The following EDA2R variants were observed in gnomAD, a reference collection of about 807,000 sequenced individuals.
EDA2R encodes the protein ectodysplasin A2 receptor, also known as tumor necrosis factor receptor superfamily member 27.
Under a neutral mutation model 20.1 loss-of-function variants are expected in EDA2R, and 26 were observed. That is an observed-to-expected ratio of 1.30 (90% CI 0.95 to 1.80). The LOEUF (loss-of-function observed/expected upper bound fraction) is 1.80. Ranked by LOEUF, EDA2R falls within the 40% of genes most tolerant of loss-of-function variation. The pLI is 0.00. For synonymous variants in EDA2R, 114 were observed against 88.7 expected (o/e 1.29, Z -1.60); for missense variants, 277 against 228.7 (o/e 1.21, Z -1.36).
chrX:66,602,938 T>C, intron 4 of EDA2R, 141 bp from the exon 5 acceptor site: 3 of 527,923 alleles, frequency 5.7e-6, no homozygotes, highest in South Asian at 9.2e-5. Context: ...TTTTACTTCT[T>C]TCTAGAGCAG....
At chrX:66,623,659 C>T (rs1192034689) in intron 1 of EDA2R, among the ~76,000 whole-genome samples, 1 of 111,632 alleles carries the variant, frequency 9.0e-6, no homozygotes, top group Non-Finnish European at 1.9e-5. Context: ...ATTGTCTTCA[C>T]TCCACCCATG....
chrX:66,614,245 G>A (rs1408929832), intron 2 of EDA2R, among the ~76,000 whole-genome samples: 2 of 111,807 alleles, frequency 1.8e-5, no homozygotes, highest in Admixed American at 9.5e-5. Context: ...AGGCCACAAT[G>A]AGAACAAAAC....
chrX:66,630,961 A>G (rs62601441), intron 1 of EDA2R, among the ~76,000 whole-genome samples: 2,852 of 109,963 alleles, frequency 0.026, 31 homozygotes, highest in Non-Finnish European at 0.035. Context: ...GTGTGTATAC[A>G]TACATATATA....
chrX:66,605,170 C>T lies in EDA2R; in HGVS notation c.144G>A (p.Arg48=). Residue 48 remains arginine, a synonymous_variant, in exon 3 of 7, where the codon AGG becomes AGA. Coordinates refer to ENST00000374719, the MANE Select transcript of EDA2R (RefSeq NM_021783.5). ...TGTGGTGGCCCCAGCTGCTTTTGTACCTGCGAGGAGGGCAGGCTGTGCAGT... is the reference window on the plus strand; with the variant it reads ...TGTGGTGGCCCCAGCTGCTTTTGTATCTGCGAGGAGGGCAGGCTGTGCAGT... ...DAYCTACPPR[R]YKSSWGHHRC... 8.3e-7 allele frequency: 1 copy of T among 1,210,000 alleles called. No individual in the cohort carries two copies.
chrX:66,599,113 T>C (rs1341410404), intron 6 of EDA2R, among the ~76,000 whole-genome samples: 2 of 112,187 alleles, frequency 1.8e-5, no homozygotes, highest in Non-Finnish European at 3.8e-5. Flanking sequence ...GGTTTCCAGA[T>C]GACAAGGCTT....
intron 1 of EDA2R, among the ~76,000 whole-genome samples, chrX:66,636,939 AACACACACACAC>A (rs35284589): frequency 5.2e-4 from 52 of 99,837 alleles, no homozygotes; most frequent in Admixed American, 9.2e-4. Context: ...CTGTGTGTAA[AACACACACACAC>A]ACACACACAC....
At chrX:66,600,181 G>A in intron 5 of EDA2R, 1 of 689,470 alleles carries the variant, frequency 1.5e-6, no homozygotes. Flanking sequence ...TTATGTCTAT[G>A]TACATTAAGT....
Position 66,617,306 on chromosome X carries a change from A to T in EDA2R, c.-10-1276T>A, listed in dbSNP as rs375862342. Among the ~76,000 whole-genome samples the T allele has an allele frequency of 2.7e-5, 3 of 111,639 alleles. No individual in the cohort carries two copies. In the Admixed American group the frequency reaches 2.8e-4, roughly 11 times the overall value. ...CTGGGCCATTCTTTCCCATTCCTTC[A>T]TTCAAAGGAAAGTGGGCTACAAGAT... is the stretch of plus-strand genomic sequence containing the variant. On this transcript the variant is annotated intron_variant, in intron 1 of 6. Transcript: ENST00000374719.
rs1929252933 is a variant in EDA2R, at chrX:66,604,410, TG to T, written c.352+10del. ...ATGAGGAGAAAGGGAAGAAGAGAAC[TG>T]GGTACACACATTGAACCTCAGAGGT... On this transcript the variant is annotated intron_variant, in intron 4 of 6. Transcript: ENST00000374719. The T allele has an allele frequency of 8.3e-7, 1 of 1,199,223 alleles. No homozygotes were observed. The highest frequency in any genetic ancestry group is 1.7e-5 in the African/African-American group (1 of 57,601).
At chrX:66,604,343 A>G in intron 4 of EDA2R, 78 bp downstream of exon 4, 1 of 876,128 alleles carries the variant, frequency 1.1e-6, no homozygotes, top group South Asian at 2.7e-5. Flanking sequence ...ATGAGGGGAT[A>G]TGGGTAGTCT....
intron 5 of EDA2R, among the ~76,000 whole-genome samples, chrX:66,600,295 A>T (rs1339609580): frequency 8.9e-6 from 1 of 111,769 alleles, no homozygotes. Flanking sequence ...CTGTGTCCCT[A>T]AAAGCAGAAG....
chrX:66,622,291 T>C (rs1346084566), intron 1 of EDA2R, among the ~76,000 whole-genome samples: 1 of 111,465 alleles, frequency 9.0e-6, no homozygotes, highest in Admixed American at 9.5e-5. Context: ...AATCCCCAAA[T>C]TAGCTCATCA....
chrX:66,608,522 T>G (rs1485432246), intron 2 of EDA2R, among the ~76,000 whole-genome samples: 1 of 112,217 alleles, frequency 8.9e-6, no homozygotes, highest in Non-Finnish European at 1.9e-5. Context: ...GTGCAGAGAC[T>G]TAAAGTCAGT....
Position 66,597,861 on chromosome X carries a change from G to T in EDA2R, c.*243C>A. The T allele has an allele frequency of 4.7e-6, 1 of 214,544 alleles. No individual in the cohort carries two copies. The highest frequency in any genetic ancestry group is 8.2e-6 in the Non-Finnish European group (1 of 121,772). 17.7% of individuals were successfully genotyped at this position (214,544 alleles called of 1,213,427 possible). A position where few individuals can be genotyped will look rare whatever the true frequency, so the allele number is the denominator to read the frequency against. Reference sequence around the variant, plus strand: ...AGTTGAGCTAGGAACATGTCTGGTAGTCCCATGAATGTGGAATCTGGCTCC... The same window carrying T: ...AGTTGAGCTAGGAACATGTCTGGTATTCCCATGAATGTGGAATCTGGCTCC... On this transcript the variant is annotated 3_prime_UTR_variant, in exon 7 of 7. Transcript: ENST00000374719.
At chrX:66,617,921 G>A (rs1461453313) in intron 1 of EDA2R, among the ~76,000 whole-genome samples, 1 of 101,037 alleles carries the variant, frequency 9.9e-6, no homozygotes, top group Non-Finnish European at 2.0e-5. Flanking sequence ...CCTTGATGGA[G>A]TTTTGCTCTT....
At chrX:66,621,305 C>T (rs1250762553) in intron 1 of EDA2R, among the ~76,000 whole-genome samples, 1 of 111,850 alleles carries the variant, frequency 8.9e-6, no homozygotes, top group African/African-American at 3.2e-5. Flanking sequence ...GGCGAGAATA[C>T]AAAATGATGC....
intron 1 of EDA2R, among the ~76,000 whole-genome samples, chrX:66,628,045 A>G (rs1346385191): frequency 9.0e-6 from 1 of 111,591 alleles, no homozygotes; most frequent in Non-Finnish European, 1.9e-5. Context: ...CTTCAAAACC[A>G]TGCAGATACA....
intron 1 of EDA2R, among the ~76,000 whole-genome samples, chrX:66,634,902 G>A (rs1934183412): frequency 8.9e-6 from 1 of 111,931 alleles, no homozygotes; most frequent in Admixed American, 9.5e-5. Flanking sequence ...GGGTCATGGA[G>A]AGGTGGATCG....
At chrX:66,607,356 G>A (rs779352502) in intron 2 of EDA2R, among the ~76,000 whole-genome samples, 2 of 112,047 alleles carry the variant, frequency 1.8e-5, no homozygotes, top group African/African-American at 6.5e-5. Flanking sequence ...TTTCAATGGC[G>A]ATACATGACA....
Sources: gnomAD v4.1 joint callset for allele counts (sites outside exome capture counted in the v4.1 genomes callset) on GRCh38, gnomAD v4.1.1 for gene constraint, MANE v1.5 for transcripts, NCBI Gene and HGNC (gene_info 2026-07-23, HGNC 2026-07-21) for gene names.